FAM124A: variants seen among roughly 807,000 people sequenced by gnomAD.
FAM124A encodes the protein family with sequence similarity 124 member A, also known as protein FAM124A.
In FAM124A, 23 loss-of-function variants were observed where a neutral mutation model predicts 24.5. The observed-to-expected ratio is 0.94, with a 90% confidence interval of 0.68 to 1.33. The LOEUF is 1.33. FAM124A is among the 40% of genes most tolerant of loss of function. FAM124A has a pLI of 0.00. For missense variants in FAM124A, 623 were observed against 722.8 expected, an observed-to-expected ratio of 0.86 and a Z score of 1.58; for synonymous variants, 287 against 314.7, an observed-to-expected ratio of 0.91 and a Z score of 0.93.
At chr13:51,228,892 C>T (rs994666875) in intron 1 of FAM124A, among the ~76,000 whole-genome samples, 4 of 152,226 alleles carry the variant, frequency 2.6e-5, no homozygotes, top group Admixed American at 2.0e-4. Context: ...TCATAAATAC[C>T]TCATTGCCGT....
In FAM124A at chr13:51,280,499, C is replaced by T; in HGVS notation, c.884C>T (p.Ala295Val). 1 of 1,613,558 alleles carries T rather than the reference C, an allele frequency of 6.2e-7. No homozygotes were observed. The highest frequency in any genetic ancestry group is 8.5e-7 in the Non-Finnish European group (1 of 1,179,740). ...KFPKPGRVHH[A>V]SEKKRHSTPL... is the part of the protein sequence containing the mutation. The stretch of plus-strand genomic sequence containing the variant: ...CCTAAACCTGGCAGAGTACATCATG[C>T]CTCCGAGAAGAAACGTCATTCCACT... Residue 295 changes from alanine (A) to valine (V), a missense_variant, in exon 4 of 4, where the codon GCC becomes GTC. Transcript: ENST00000322475.
chr13:51,245,408 C>A (rs1445230970), intron 2 of FAM124A: 2 of 656,852 alleles, frequency 3.0e-6, no homozygotes, highest in South Asian at 1.7e-5. Flanking sequence ...GTTGAACATA[C>A]CTGGCCCTCA....
intron 2 of FAM124A, among the ~76,000 whole-genome samples, chr13:51,237,920 G>T (rs1291694050): frequency 6.6e-6 from 1 of 152,200 alleles, no homozygotes; most frequent in East Asian, 1.9e-4. Context: ...CCCTGCTGCT[G>T]GTGGCTCTTC....
intron 3 of FAM124A, among the ~76,000 whole-genome samples, chr13:51,271,140 A>G (rs918192449): frequency 4.6e-5 from 7 of 152,256 alleles, no homozygotes; most frequent in East Asian, 1.9e-4. Flanking sequence ...TTGTATACAA[A>G]GAGGGGGAAA....
chr13:51,276,995 A>C (rs1232726971), intron 3 of FAM124A, among the ~76,000 whole-genome samples: 1 of 152,218 alleles, frequency 6.6e-6, no homozygotes, highest in African/African-American at 2.4e-5. Flanking sequence ...CGATTTAAGA[A>C]GAAAAGATTC....
chr13:51,273,186 T>C (rs1393709365), intron 3 of FAM124A, among the ~76,000 whole-genome samples: 1 of 152,166 alleles, frequency 6.6e-6, no homozygotes, highest in Admixed American at 6.5e-5. Flanking sequence ...TGGGGGCACT[T>C]GGCATCTCTC....
Position 51,248,034 on chromosome 13 carries a change from C to T in FAM124A, c.101-3434C>T, listed in dbSNP as rs373872444. On this transcript the variant is annotated intron_variant, in intron 2 of 3. Transcript: ENST00000322475. ...ATTCAGGTCTATATGGGGGCACACG[C>T]TTATCAGATAACTGCATACAAATGA... Among the ~76,000 whole-genome samples, 86 of 152,324 alleles carry T rather than the reference C, an allele frequency of 5.6e-4. 1 individual carries two copies. In the South Asian group the frequency reaches 0.017, roughly 31 times the overall value.
At position 51,270,420 on chromosome 13, in the gene FAM124A, A is replaced by AT. The variant is rs200718821; in HGVS notation, c.835-10021dup. ...AAATACTATGCACTTCAAAGATGGG[A>AT]TTTTTTTTTAAATTTATAATGTTCT... On this transcript the variant is annotated intron_variant, in intron 3 of 3. Transcript: ENST00000322475. Among the ~76,000 whole-genome samples the AT allele has an allele frequency of 4.8e-4, 73 of 151,708 alleles. 1 individual carries two copies. Among genetic ancestry groups the AT allele is most frequent in the Middle Eastern group, 3.4e-3 (1 of 294 alleles).
chr13:51,253,365 T>C (rs1299640481), intron 3 of FAM124A: 1 of 152,242 alleles, frequency 6.6e-6, no homozygotes, highest in African/African-American at 2.4e-5. Flanking sequence ...AAAGGTCACC[T>C]TGAGATACTT....
intron 1 of FAM124A, among the ~76,000 whole-genome samples, chr13:51,223,014 A>G (rs1364877887): frequency 1.3e-5 from 2 of 152,044 alleles, no homozygotes; most frequent in African/African-American, 4.8e-5. Context: ...GGCTAGGAGG[A>G]TGGCATTTCT....
chr13:51,251,412 T>C lies in FAM124A; in HGVS notation c.101-56T>C, dbSNP rs3825409. On this transcript the variant is annotated intron_variant, in intron 2 of 3. Transcript: ENST00000322475. This position sits in a 1 kb window ranked among gnomAD's most constrained non-coding sequence, Gnocchi z 5.3. ...CTGTACACGTCATCACTGGACACTTTAATGAAATAATCATAATTGTATTCA... is the reference window on the plus strand; with the variant it reads ...CTGTACACGTCATCACTGGACACTTCAATGAAATAATCATAATTGTATTCA... The C allele has an allele frequency of 0.12, 175,188 of 1,476,860 alleles. 11,174 individuals carry two copies. The highest frequency in any genetic ancestry group is 0.27 in the East Asian group (11,559 of 42,984). The allele number at this position is 1,476,860 out of a possible 1,614,324, so 91.5% of individuals were successfully genotyped here. A position where few individuals can be genotyped will look rare whatever the true frequency, so the allele number is the denominator to read the frequency against.
intron 3 of FAM124A, among the ~76,000 whole-genome samples, chr13:51,261,259 A>G (rs1361780452): frequency 2.6e-5 from 4 of 152,130 alleles, no homozygotes; most frequent in African/African-American, 9.7e-5. Context: ...ACAGCAGGCT[A>G]TGGGGCACGG....
chr13:51,245,005 A>G (rs371791267), intron 2 of FAM124A, among the ~76,000 whole-genome samples: 1 of 152,252 alleles, frequency 6.6e-6, no homozygotes, highest in African/African-American at 2.4e-5. Flanking sequence ...GTCTTCTGCC[A>G]AGGAAATCAA....
At chr13:51,240,930 C>T (rs531906197) in intron 2 of FAM124A, among the ~76,000 whole-genome samples, 1 of 152,288 alleles carries the variant, frequency 6.6e-6, no homozygotes, top group South Asian at 2.1e-4. Flanking sequence ...TCCTTCCAGT[C>T]GTCTTCCTCC....
chr13:51,259,452 C>T lies in FAM124A; in HGVS notation c.834+7251C>T, dbSNP rs567037955. 1.7e-3 allele frequency among the ~76,000 whole-genome samples: 259 copies of T among 152,138 alleles called. 1 individual carries two copies. Among genetic ancestry groups the T allele is most frequent in the Non-Finnish European group, 3.0e-3 (205 of 67,984 alleles). On this transcript the variant is annotated intron_variant, in intron 3 of 3. Transcript: ENST00000322475. ...CTGTGTCACTTGGGGTCCTTCAGAA[C>T]GCAGGGTACCTCCCATGCTTGCCTC...
At chr13:51,276,253 G>A (rs755833912) in intron 3 of FAM124A, among the ~76,000 whole-genome samples, 4 of 152,120 alleles carry the variant, frequency 2.6e-5, no homozygotes, top group Non-Finnish European at 5.9e-5. Context: ...AAGCCACAGG[G>A]GGTGCTAATT....
At chr13:51,222,677 G>A in intron 1 of FAM124A, 108 bp downstream of exon 1, 1 of 1,079,364 alleles carries the variant, frequency 9.3e-7, no homozygotes, top group Non-Finnish European at 1.2e-6. Context: ...CCGGGGCGCG[G>A]GGCTTCTCCT....
intron 3 of FAM124A, among the ~76,000 whole-genome samples, chr13:51,255,623 T>TC (rs1195585220): frequency 6.6e-6 from 1 of 152,036 alleles, no homozygotes; most frequent in African/African-American, 2.4e-5. Context: ...GGAAGCAAAG[T>TC]CCCCCCAGCA....
intron 2 of FAM124A, among the ~76,000 whole-genome samples, chr13:51,248,280 A>T (rs1954584819): frequency 6.6e-6 from 1 of 152,132 alleles, no homozygotes; most frequent in Non-Finnish European, 1.5e-5. Flanking sequence ...CAAGCTGGAA[A>T]CATCAGGGTA....
Sources: allele counts gnomAD v4.1 joint callset (sites outside exome capture counted in the v4.1 genomes callset), GRCh38; gene constraint gnomAD v4.1.1; non-coding constraint Gnocchi (gnomAD v3.1); transcripts MANE v1.5; gene names NCBI Gene and HGNC (gene_info 2026-07-23, HGNC 2026-07-21).